Variants in MIPOL1 observed in about 807,000 individuals in gnomAD.
MIPOL1 encodes mirror-image polydactyly 1, also known as mirror-image polydactyly gene 1 protein.
Under a neutral mutation model 60.9 loss-of-function variants are expected in MIPOL1, and 57 were observed. The observed-to-expected ratio is 0.94, with a 90% confidence interval of 0.76 to 1.17. MIPOL1 has a LOEUF of 1.17. Ranked by LOEUF, MIPOL1 falls within the 50% of genes most tolerant of loss-of-function variation. The pLI, the probability that MIPOL1 is intolerant of heterozygous loss-of-function variation, is 0.00. For synonymous variants in MIPOL1, 179 were observed against 168.8 expected (o/e 1.06, Z -0.47); for missense variants, 551 against 511.6 (o/e 1.08, Z -0.74).
chr14:37,243,645 C>A (rs1210787019), intron 1 of MIPOL1, among the ~76,000 whole-genome samples: 2 of 151,976 alleles, frequency 1.3e-5, no homozygotes, highest in African/African-American at 4.8e-5. Context: ...TGGCATAAAC[C>A]AAAGTCAGCT....
intron 3 of MIPOL1, among the ~76,000 whole-genome samples, chr14:37,256,029 T>A (rs898301733): frequency 5.3e-5 from 8 of 151,838 alleles, no homozygotes; most frequent in Non-Finnish European, 8.8e-5. Flanking sequence ...ATGCTCCTTT[T>A]AAATACAGTT....
At chr14:37,373,925 T>C (rs1159179070) in intron 10 of MIPOL1, among the ~76,000 whole-genome samples, 10 of 152,152 alleles carry the variant, frequency 6.6e-5, no homozygotes, top group Admixed American at 6.5e-4. Flanking sequence ...GGCCAAATGG[T>C]ATTTCTAGTT....
intron 11 of MIPOL1, among the ~76,000 whole-genome samples, chr14:37,497,706 A>G (rs954272944): frequency 2.0e-5 from 3 of 152,172 alleles, no homozygotes; most frequent in Admixed American, 6.5e-5. Context: ...TACATAAGAC[A>G]ATACGAAGAG....
At chr14:37,543,193 C>G (rs892077852) in intron 12 of MIPOL1, among the ~76,000 whole-genome samples, 7 of 152,326 alleles carry the variant, frequency 4.6e-5, no homozygotes, top group Non-Finnish European at 7.3e-5. Flanking sequence ...TCAAATGCAT[C>G]TCCTTCTTTC....
At chr14:37,283,839 C>T (rs2084323760) in intron 6 of MIPOL1, among the ~76,000 whole-genome samples, 1 of 152,084 alleles carries the variant, frequency 6.6e-6, no homozygotes, top group Non-Finnish European at 1.5e-5. Context: ...ACCTTTAGTA[C>T]CTTAAATCAC....
intron 10 of MIPOL1, among the ~76,000 whole-genome samples, chr14:37,375,132 C>A (rs950391174): frequency 1.3e-5 from 2 of 152,008 alleles, no homozygotes; most frequent in African/African-American, 4.8e-5. Flanking sequence ...GTATTTTATT[C>A]TTTTTGTAGC....
At chr14:37,349,976 T>A (rs113426735) in intron 9 of MIPOL1, among the ~76,000 whole-genome samples, 1,496 of 149,532 alleles carry the variant, frequency 0.01, 9 homozygotes, top group Middle Eastern at 0.031. Context: ...AGTTCTAATA[T>A]TTTTTTTTAA....
In MIPOL1 at chr14:37,454,281, G is replaced by A. The variant is rs2094453200; in HGVS notation, c.1031+31332G>A. 3.3e-5 allele frequency among the ~76,000 whole-genome samples: 5 copies of A among 152,140 alleles called. 1 individual carries two copies. The highest frequency in any genetic ancestry group is 7.4e-5 in the Non-Finnish European group (5 of 68,020). ...GGCCTCAGGGTGCTCCCTGAGTTTG[G>A]TCTTCTCTGAGGCCAATCTTAATTG... is the stretch of plus-strand genomic sequence containing the variant. On this transcript the variant is annotated intron_variant, in intron 11 of 12. Transcript: ENST00000684589.
chr14:37,544,837 ACTATTTCCTC>A (rs955105601), intron 12 of MIPOL1, among the ~76,000 whole-genome samples: 8 of 152,214 alleles, frequency 5.3e-5, no homozygotes, highest in Non-Finnish European at 1.2e-4. Context: ...ATGATATTTA[ACTATTTCCTC>A]CTAATCTCTT....
rs539343378 is a variant in MIPOL1 at position 37,383,669 on chromosome 14, C to G, written c.936+14045C>G. ...ATAAGTACTTTACTTTTAGAAAGAC[C>G]AAGAAAGAATTACCAAGAAAACTTG... On this transcript the variant is annotated intron_variant, in intron 10 of 12. Coordinates refer to ENST00000684589, the MANE Select transcript of MIPOL1 (RefSeq NM_001388067.1). 2.1e-4 allele frequency among the ~76,000 whole-genome samples: 32 copies of G among 151,780 alleles called. No individual in the cohort carries two copies. In the South Asian group the frequency reaches 6.2e-3, roughly 30 times the overall value.
At chr14:37,317,320 G>C (rs35039279) in intron 9 of MIPOL1, among the ~76,000 whole-genome samples, 33,315 of 152,118 alleles carry the variant, frequency 0.22, 4,121 homozygotes, top group South Asian at 0.35. Flanking sequence ...AACATAACTA[G>C]AGAAATGTAG....
At chr14:37,461,838 C>A (rs973030243) in intron 11 of MIPOL1, among the ~76,000 whole-genome samples, 11 of 152,232 alleles carry the variant, frequency 7.2e-5, no homozygotes, top group Non-Finnish European at 1.5e-4. Flanking sequence ...GAGTCTCAGG[C>A]AGCTCCACCC....
intron 11 of MIPOL1, among the ~76,000 whole-genome samples, chr14:37,460,711 A>G (rs868610797): frequency 2.6e-5 from 4 of 152,330 alleles, no homozygotes; most frequent in Middle Eastern, 3.4e-3. Context: ...CCATATACCA[A>G]TAACATTCAA....
Position 37,488,612 on chromosome 14 carries a change from G to C in MIPOL1, c.1032-11296G>C, listed in dbSNP as rs1219417841. Among the ~76,000 whole-genome samples, 4 of 151,930 alleles carry C rather than the reference G, an allele frequency of 2.6e-5. No individual in the cohort carries two copies. In the East Asian group the frequency reaches 7.7e-4, roughly 29 times the overall value. Reference sequence around the variant, plus strand: ...TCCTGTACAAGTGCTTCGTACAGGAGCTCTTGTGAGGCACACCTGGTGATG... The same window carrying C: ...TCCTGTACAAGTGCTTCGTACAGGACCTCTTGTGAGGCACACCTGGTGATG... On this transcript the variant is annotated intron_variant, in intron 11 of 12. Coordinates refer to ENST00000684589, the MANE Select transcript of MIPOL1 (RefSeq NM_001388067.1).
chr14:37,407,441 C>T (rs1390123852), intron 10 of MIPOL1, among the ~76,000 whole-genome samples: 1 of 152,072 alleles, frequency 6.6e-6, no homozygotes, highest in African/African-American at 2.4e-5. Flanking sequence ...ATTTCAATTT[C>T]TATTTTTGAA....
At chr14:37,345,032 A>G (rs1042305594) in intron 9 of MIPOL1, among the ~76,000 whole-genome samples, 2 of 144,286 alleles carry the variant, frequency 1.4e-5, no homozygotes, top group African/African-American at 2.5e-5. Flanking sequence ...AAAAAAAAAA[A>G]TAGTGGACAA....
At chr14:37,358,946 C>T (rs1178495315) in intron 9 of MIPOL1, among the ~76,000 whole-genome samples, 1 of 152,090 alleles carries the variant, frequency 6.6e-6, no homozygotes, top group African/African-American at 2.4e-5. Flanking sequence ...AGGTTTTCTT[C>T]TAGGGTTTTT....
chr14:37,421,959 A>G (rs2093880061), intron 10 of MIPOL1, among the ~76,000 whole-genome samples: 1 of 152,078 alleles, frequency 6.6e-6, no homozygotes, highest in Non-Finnish European at 1.5e-5. Flanking sequence ...GTTTGTGACA[A>G]CAATTTGCTC....
chr14:37,487,040 A>G (rs2094958548), intron 11 of MIPOL1, among the ~76,000 whole-genome samples: 1 of 152,156 alleles, frequency 6.6e-6, no homozygotes, highest in Non-Finnish European at 1.5e-5. Flanking sequence ...AGTTTTTAGC[A>G]TTAAGGGGTG....
Sources: gnomAD v4.1 joint callset for allele counts (sites outside exome capture counted in the v4.1 genomes callset) on GRCh38, gnomAD v4.1.1 for gene constraint, MANE v1.5 for transcripts, NCBI Gene and HGNC (gene_info 2026-07-23, HGNC 2026-07-21) for gene names.